Variants in CDC42EP4 observed in about 807,000 individuals in gnomAD.
CDC42EP4 encodes CDC42 effector protein (Rho GTPase binding) 4.
CDC42EP4 carries 6 observed loss-of-function variants against 5.6 expected under a neutral mutation model. The ratio of observed to expected loss-of-function variants is 1.07; its 90% CI spans 0.59 to 2.12. The LOEUF (loss-of-function observed/expected upper bound fraction) is 2.12. Ranked by LOEUF, CDC42EP4 falls within the 30% of genes most tolerant of loss-of-function variation. CDC42EP4 has a pLI of 0.00. For synonymous variants in CDC42EP4, 230 were observed against 224.2 expected, an observed-to-expected ratio of 1.03 and a Z score of -0.23; for missense variants, 490 against 508.6, an observed-to-expected ratio of 0.96 and a Z score of 0.35.
intron 1 of CDC42EP4, chr17:73,311,513 C>G (rs1345948349): frequency 2.6e-5 from 4 of 152,324 alleles, no homozygotes; most frequent in Non-Finnish European, 5.9e-5. Flanking sequence ...CACCCCATTC[C>G]TGGGAAGGGG....
At chr17:73,308,436 C>T (rs1416677029) in intron 1 of CDC42EP4, among the ~76,000 whole-genome samples, 1 of 152,178 alleles carries the variant, frequency 6.6e-6, no homozygotes, top group Non-Finnish European at 1.5e-5. Flanking sequence ...CCTCCCTCCC[C>T]CCACAGGGAC....
chr17:73,308,910 C>T (rs2062258430), intron 1 of CDC42EP4, among the ~76,000 whole-genome samples: 1 of 151,584 alleles, frequency 6.6e-6, no homozygotes. Context: ...TGGTGGCATG[C>T]ACCTATAATC....
Position 73,300,404 on chromosome 17 carries a change from G to A in CDC42EP4, c.-113+11489C>T, listed in dbSNP as rs531044185. Among the ~76,000 whole-genome samples, 49 of 152,236 alleles carry A rather than the reference G, an allele frequency of 3.2e-4. No individual in the cohort carries two copies. In the South Asian group the frequency reaches 4.4e-3, roughly 14 times the overall value. The stretch of plus-strand genomic sequence containing the variant: ...AAGGGGGGTGAATCAGGGAGAGCAG[G>A]GATCATAGAGTGACCTGGACAAGGA... On this transcript the variant is annotated intron_variant, in intron 1 of 1. Transcript: ENST00000335793.
chr17:73,285,853 G>T lies in CDC42EP4; in HGVS notation c.648C>A (p.Ser216=). Residue 216 remains serine (S), a synonymous_variant, in exon 2 of 2, where the codon TCC becomes TCA. Coordinates refer to ENST00000335793, the MANE Select transcript of CDC42EP4 (RefSeq NM_012121.5). The surrounding 1 kb of genome is among the most constrained non-coding windows in gnomAD (Gnocchi z 6.8). ...IMSFHIDLGP[S]MLGDVLSIMD... is the part of the protein sequence containing the mutation. ...TGATGCTGAGGACGTCACCCAGCAT[G>T]GAGGGCCCCAGGTCGATGTGGAAGG... 6.2e-7 allele frequency: 1 copy of T among 1,614,008 alleles called. No individual in the cohort carries two copies. Among genetic ancestry groups the T allele is most frequent in the Non-Finnish European group, 8.5e-7 (1 of 1,179,932 alleles).
chr17:73,304,894 G>C (rs1440400051), intron 1 of CDC42EP4, among the ~76,000 whole-genome samples: 1 of 152,190 alleles, frequency 6.6e-6, no homozygotes, highest in African/African-American at 2.4e-5. Flanking sequence ...ATCCAGGGGA[G>C]CCTCCTGCTC....
chr17:73,291,020 C>A (rs1010667380), intron 1 of CDC42EP4, among the ~76,000 whole-genome samples: 2 of 152,128 alleles, frequency 1.3e-5, no homozygotes, highest in Non-Finnish European at 2.9e-5. Context: ...CACATCCTTG[C>A]GGGTAGAACT....
At chr17:73,292,834 C>G in intron 1 of CDC42EP4, among the ~76,000 whole-genome samples, 1 of 152,196 alleles carries the variant, frequency 6.6e-6, no homozygotes, top group African/African-American at 2.4e-5. Flanking sequence ...ATAAAGAGTT[C>G]TGTTTTGTTT....
At chr17:73,293,071 C>T (rs980262266) in intron 1 of CDC42EP4, among the ~76,000 whole-genome samples, 3 of 152,174 alleles carry the variant, frequency 2.0e-5, no homozygotes, top group Non-Finnish European at 4.4e-5. Flanking sequence ...TGGTCTCGAA[C>T]TCCTGGCATC....
chr17:73,285,663 C>A lies in CDC42EP4; in HGVS notation c.838G>T (p.Ala280Ser). The change falls in exon 2 of 2, where the codon GCT becomes TCT. Residue 280 changes from alanine to serine, a missense_variant. Ala to Ser is a moderately conservative substitution (Grantham distance 99). Transcript: ENST00000335793. This position sits in a 1 kb window ranked among gnomAD's most constrained non-coding sequence, Gnocchi z 6.8. ...GPDLPSLPSH[A>S]LEDEGWAAAA... ...GCTGCCCACCCCTCATCCTCCAGAGCATGGGAGGGGAGGGAGGGCAAGTCT... is the reference window on the plus strand; with the variant it reads ...GCTGCCCACCCCTCATCCTCCAGAGAATGGGAGGGGAGGGAGGGCAAGTCT... The A allele has an allele frequency of 6.3e-7, 1 of 1,584,960 alleles. No individual in the cohort carries two copies. The highest frequency in any genetic ancestry group is 8.6e-7 in the Non-Finnish European group (1 of 1,161,970).
At chr17:73,291,223 G>A (rs1331191202) in intron 1 of CDC42EP4, among the ~76,000 whole-genome samples, 3 of 152,140 alleles carry the variant, frequency 2.0e-5, no homozygotes, top group South Asian at 2.1e-4. Flanking sequence ...CTTGTAGAAA[G>A]CCATCTTCAA....
chr17:73,294,863 G>A lies in CDC42EP4; in HGVS notation c.-112-8251C>T, dbSNP rs2145314885. Among the ~76,000 whole-genome samples the A allele has an allele frequency of 1.3e-5, 2 of 152,182 alleles. 1 individual carries two copies. The highest frequency in any genetic ancestry group is 4.1e-4 in the South Asian group (2 of 4,820). On this transcript the variant is annotated intron_variant, in intron 1 of 1. Coordinates refer to ENST00000335793, the MANE Select transcript of CDC42EP4 (RefSeq NM_012121.5). ...TCGCTCTTGTTGCCCATGCTGGAAT[G>A]TAATGGTGCACTCTTGGCTCACTGT... is the stretch of plus-strand genomic sequence containing the variant.
intron 1 of CDC42EP4, among the ~76,000 whole-genome samples, chr17:73,292,011 A>G (rs1393233285): frequency 6.6e-6 from 1 of 152,164 alleles, no homozygotes; most frequent in Non-Finnish European, 1.5e-5. Flanking sequence ...CCCAGAGCAG[A>G]AGGACAGACG....
At chr17:73,293,030 TAG>T (rs1255722487) in intron 1 of CDC42EP4, among the ~76,000 whole-genome samples, 2 of 152,016 alleles carry the variant, frequency 1.3e-5, no homozygotes, top group Non-Finnish European at 2.9e-5. Flanking sequence ...TTTATGTTTT[TAG>T]AGATGGGGTT....
At chr17:73,310,743 T>TCTCACA (rs1278137460) in intron 1 of CDC42EP4, 10 of 134,540 alleles carry the variant, frequency 7.4e-5, no homozygotes, top group African/African-American at 2.6e-4. Flanking sequence ...CCTCCCCCAG[T>TCTCACA]CACACACACA....
intron 1 of CDC42EP4, among the ~76,000 whole-genome samples, chr17:73,303,898 T>C (rs763629470): frequency 1.3e-5 from 2 of 152,176 alleles, no homozygotes; most frequent in Non-Finnish European, 2.9e-5. Context: ...AATAACTCAC[T>C]CAGCCAGGCT....
intron 1 of CDC42EP4, among the ~76,000 whole-genome samples, chr17:73,296,173 CAGG>C (rs2062183577): frequency 6.8e-6 from 1 of 147,970 alleles, no homozygotes; most frequent in Admixed American, 6.8e-5. Context: ...ACCACGACGT[CAGG>C]AGTTTGAGAC....
intron 1 of CDC42EP4, among the ~76,000 whole-genome samples, chr17:73,296,584 T>C (rs1164877559): frequency 2.0e-5 from 3 of 152,142 alleles, no homozygotes; most frequent in Non-Finnish European, 4.4e-5. Context: ...GTTTACCAAA[T>C]GGCATTAAAT....
At chr17:73,310,452 G>A (rs1185363383) in intron 1 of CDC42EP4, among the ~76,000 whole-genome samples, 5 of 152,062 alleles carry the variant, frequency 3.3e-5, no homozygotes, top group Admixed American at 2.0e-4. Flanking sequence ...GGAGGGCAGG[G>A]GGCTTCGCAG....
chr17:73,303,292 G>A (rs1234720336), intron 1 of CDC42EP4, among the ~76,000 whole-genome samples: 2 of 151,982 alleles, frequency 1.3e-5, no homozygotes, highest in Non-Finnish European at 2.9e-5. Context: ...GCGGTGAGCC[G>A]AGATCGCACC....
Sources: gnomAD v4.1 joint callset for allele counts (sites outside exome capture counted in the v4.1 genomes callset) on GRCh38, gnomAD v4.1.1 for gene constraint, Gnocchi (gnomAD v3.1) non-coding constraint, MANE v1.5 for transcripts, NCBI Gene and HGNC (gene_info 2026-07-23, HGNC 2026-07-21) for gene names.